The following TCF3 variants were observed in gnomAD, a reference collection of about 807,000 sequenced individuals.
TCF3 encodes the protein transcription factor E2-alpha.
TCF3 carries 54 observed loss-of-function variants against 72.3 expected under a neutral mutation model. That is an observed-to-expected ratio of 0.75 (90% CI 0.60 to 0.94). TCF3 has a LOEUF of 0.94. Among genes scored for constraint, TCF3 ranks in the 40% least tolerant of loss-of-function variants. The probability of loss-of-function intolerance (pLI) is 0.00; values close to 1 mark genes in which losing one functional copy is unlikely to be tolerated. For missense variants in TCF3, 1,078 were observed against 934.4 expected, an observed-to-expected ratio of 1.15 and a Z score of -2.00; for synonymous variants, 525 against 412.6, an observed-to-expected ratio of 1.27 and a Z score of -3.30.
chr19:1,612,055 G>A (rs1032946092), intron 18 of TCF3, among the ~76,000 whole-genome samples: 4 of 152,090 alleles, frequency 2.6e-5, no homozygotes, highest in Non-Finnish European at 5.9e-5. Context: ...GGGTATCAGG[G>A]GGTGTCTGGG....
intron 13 of TCF3, among the ~76,000 whole-genome samples, chr19:1,620,412 C>G (rs142133210): frequency 1.3e-5 from 2 of 152,202 alleles, no homozygotes; most frequent in Non-Finnish European, 2.9e-5. Flanking sequence ...AGGGTCTGCC[C>G]TCCCATGCCG....
At chr19:1,631,053 T>C (rs1599799495) in intron 5 of TCF3, among the ~76,000 whole-genome samples, 1 of 152,090 alleles carries the variant, frequency 6.6e-6, no homozygotes, top group Non-Finnish European at 1.5e-5. Flanking sequence ...GCAGCACGGG[T>C]GAGCCTGCAG....
intron 8 of TCF3, among the ~76,000 whole-genome samples, chr19:1,622,814 C>A (rs1343783859): frequency 3.3e-5 from 5 of 152,234 alleles, no homozygotes; most frequent in Admixed American, 6.5e-5. Flanking sequence ...CAGTGCTGAG[C>A]TTCCCTTGGT....
chr19:1,613,161 GTGT>G lies in TCF3; in HGVS notation c.1823-1315_1823-1313del, dbSNP rs2061213284. On this transcript the variant is annotated intron_variant, in intron 18 of 18. Transcript: ENST00000262965. ...AGTACGGGTCCACATGCTGATGTGT[GTGT>G]TGTCACATGCGTGAAAATGTGCTTC... Among the ~76,000 whole-genome samples the G allele has an allele frequency of 2.6e-5, 4 of 152,296 alleles. No individual in the cohort carries two copies. The South Asian group carries it at 6.2e-4, about 24-fold the overall frequency.
intron 5 of TCF3, chr19:1,631,818 G>T: frequency 8.0e-7 from 1 of 1,248,006 alleles, no homozygotes; most frequent in Non-Finnish European, 1.1e-6. Context: ...TCTACGCTCA[G>T]GCGGGGAAGC....
Position 1,625,697 on chromosome 19 carries a change from C to A in TCF3, c.378G>T (p.Leu126=). 6.6e-7 allele frequency: 1 copy of A among 1,514,138 alleles called. No individual in the cohort carries two copies. The highest frequency in any genetic ancestry group is 2.7e-5 in the East Asian group (1 of 37,358). The allele number at this position is 1,514,138 out of a possible 1,614,324, so 93.8% of individuals were successfully genotyped here. ...GVGGLTQAGF[L]SGELALNSPG... ...GGCTGTTGAGGGCCAGCTCGCCTGA[C>A]AGGAAGCCAGCCTGGTGGGGAGCGG... Residue 126 remains leucine (L), a synonymous_variant, in exon 7 of 19, where the codon CTG becomes CTT. Coordinates refer to ENST00000262965, the MANE Select transcript of TCF3 (RefSeq NM_003200.5).
intron 11 of TCF3, 58 bp downstream of exon 11, chr19:1,621,780 A>G: frequency 6.7e-7 from 1 of 1,495,546 alleles, no homozygotes; most frequent in South Asian, 1.3e-5. Flanking sequence ...CCCCACCCAG[A>G]CCCTGCCTGG....
rs1038823332 is a variant in TCF3 at position 1,623,799 on chromosome 19, C to G, written c.549+152G>C. The G allele has an allele frequency of 1.4e-5, 10 of 722,584 alleles. No homozygotes were observed. In the South Asian group the frequency reaches 2.1e-4, roughly 15 times the overall value. The allele number at this position is 722,584 out of a possible 1,614,324, so 44.8% of individuals were successfully genotyped here. A position where few individuals can be genotyped will look rare whatever the true frequency, so the allele number is the denominator to read the frequency against. On this transcript the variant is annotated intron_variant, in intron 8 of 18. Coordinates refer to ENST00000262965, the MANE Select transcript of TCF3 (RefSeq NM_003200.5). ...CCCCGCCTTCCCTTGGAGGCGGCCTCGGGTCAGAGCTCAGATCTTGGCTCA... is the reference window on the plus strand; with the variant it reads ...CCCCGCCTTCCCTTGGAGGCGGCCTGGGGTCAGAGCTCAGATCTTGGCTCA...
intron 16 of TCF3, among the ~76,000 whole-genome samples, chr19:1,617,253 G>GT (rs1358993767): frequency 6.6e-6 from 1 of 152,200 alleles, no homozygotes; most frequent in Non-Finnish European, 1.5e-5. Context: ...GCAGGAAAGC[G>GT]TGATGTTGGA....
At chr19:1,639,749 A>AG (rs1245465324) in intron 3 of TCF3, among the ~76,000 whole-genome samples, 1 of 124,852 alleles carries the variant, frequency 8.0e-6, no homozygotes, top group East Asian at 2.8e-4. Flanking sequence ...AGAGGAAATT[A>AG]GGAAAAAAAA....
chr19:1,638,756 G>A (rs1290125433), intron 3 of TCF3, among the ~76,000 whole-genome samples: 1 of 152,178 alleles, frequency 6.6e-6, no homozygotes, highest in East Asian at 1.9e-4. Context: ...AACTAGAAAA[G>A]AACCACTGGC....
intron 3 of TCF3, among the ~76,000 whole-genome samples, chr19:1,644,963 T>C (rs1446468768): frequency 2.0e-5 from 3 of 152,132 alleles, no homozygotes; most frequent in Non-Finnish European, 4.4e-5. Flanking sequence ...TTCCTGGGGC[T>C]GTTTCCGGGG....
At chr19:1,651,905 G>A (rs1481453056) in intron 1 of TCF3, among the ~76,000 whole-genome samples, 1 of 150,886 alleles carries the variant, frequency 6.6e-6, no homozygotes, top group Non-Finnish European at 1.5e-5. Context: ...CCAAACTCCG[G>A]CGCCCGGGCC....
At chr19:1,618,058 T>C (rs1311060152) in intron 16 of TCF3, among the ~76,000 whole-genome samples, 1 of 151,982 alleles carries the variant, frequency 6.6e-6, no homozygotes, top group Non-Finnish European at 1.5e-5. Context: ...GACCCCACCT[T>C]CTCCTGGGCC....
In TCF3 at chr19:1,615,070, G is replaced by A. The variant is rs2061413596; in HGVS notation, c.1822+215C>T. Among the ~76,000 whole-genome samples the A allele has an allele frequency of 6.6e-6, 1 of 152,188 alleles. No individual in the cohort carries two copies. The highest frequency in any genetic ancestry group is 1.5e-5 in the Non-Finnish European group (1 of 68,026). The stretch of plus-strand genomic sequence containing the variant: ...AAGAGTCCAGTCCTCCCACTGTGGA[G>A]GGGATGCTGAGGCAGGCAGGGAGAA... On this transcript the variant is annotated intron_variant, in intron 18 of 18. Coordinates refer to ENST00000262965, the MANE Select transcript of TCF3 (RefSeq NM_003200.5). This position sits in a 1 kb window ranked among gnomAD's most constrained non-coding sequence, Gnocchi z 7.3.
chr19:1,633,955 G>A (rs1271536303), intron 3 of TCF3, among the ~76,000 whole-genome samples: 2 of 152,196 alleles, frequency 1.3e-5, no homozygotes, highest in Non-Finnish European at 2.9e-5. Context: ...AGTACCCCAG[G>A]AGGTGCAGAG....
intron 1 of TCF3, 25 bp from the exon 2 acceptor site, chr19:1,650,312 T>G: frequency 6.7e-7 from 1 of 1,481,592 alleles, no homozygotes; most frequent in South Asian, 1.2e-5. Context: ...TGGGGACAGA[T>G]GGACAGGGAG....
In TCF3 at chr19:1,619,871, C is replaced by T. The variant is rs375903125; in HGVS notation, c.1094-18G>A. On this transcript the variant is annotated intron_variant, in intron 13 of 18. Coordinates refer to ENST00000262965, the MANE Select transcript of TCF3 (RefSeq NM_003200.5). ...TGACGTTCCTGGAAGGGAGTGGGGA[C>T]GTGAATGGGGTGCGAGGGGCGGGGT... 9.6e-6 allele frequency: 15 copies of T among 1,564,018 alleles called. No individual in the cohort carries two copies. Among genetic ancestry groups the T allele is most frequent in the East Asian group, 2.4e-5 (1 of 41,708 alleles).
intron 8 of TCF3, 90 bp downstream of exon 8, chr19:1,623,861 C>A: frequency 2.9e-6 from 4 of 1,373,042 alleles, no homozygotes; most frequent in Non-Finnish European, 4.1e-6. Flanking sequence ...GGGCCCACCC[C>A]GCCATGTGTG....
Sources: allele counts gnomAD v4.1 joint callset (sites outside exome capture counted in the v4.1 genomes callset), GRCh38; gene constraint gnomAD v4.1.1; non-coding constraint Gnocchi (gnomAD v3.1); transcripts MANE v1.5; gene names NCBI Gene and HGNC (gene_info 2026-07-23, HGNC 2026-07-21).